TWIST2: variants seen among roughly 807,000 people sequenced by gnomAD.
TWIST2 encodes twist family bHLH transcription factor 2.
Under a neutral mutation model 11.6 loss-of-function variants are expected in TWIST2, and 1 was observed. The ratio of observed to expected loss-of-function variants is 0.09; its 90% CI spans 0.03 to 0.41. TWIST2 has a LOEUF of 0.41. Among genes scored for constraint, TWIST2 ranks in the 10% least tolerant of loss-of-function variants. TWIST2 has a pLI of 0.98. For missense variants in TWIST2, 168 were observed against 226.4 expected (o/e 0.74, Z 1.66); for synonymous variants, 87 against 96.6 (o/e 0.90, Z 0.58).
At chr2:238,903,172 G>A (rs1693298989) in intron 1 of TWIST2, among the ~76,000 whole-genome samples, 1 of 140,918 alleles carries the variant, frequency 7.1e-6, no homozygotes, top group Non-Finnish European at 1.5e-5. Flanking sequence ...GGTGTGGGAT[G>A]TAGTTGTGTG....
chr2:238,887,708 G>A (rs1317518660), intron 1 of TWIST2, among the ~76,000 whole-genome samples: 4 of 152,192 alleles, frequency 2.6e-5, no homozygotes, highest in South Asian at 2.1e-4. Flanking sequence ...TGTGCAGGAC[G>A]TCAGGTCTCT....
Position 238,867,834 on chromosome 2 carries a change from C to T in TWIST2, c.*35+19101C>T, listed in dbSNP as rs545793511. Among the ~76,000 whole-genome samples the T allele has an allele frequency of 1.7e-4, 26 of 152,106 alleles. No homozygotes were observed. The highest frequency in any genetic ancestry group is 1.4e-3 in the East Asian group (7 of 5,146). ...AGAGCTGAGGGGCATCCCTCGAAGG[C>T]GGGAGGGAGAGAAGTGGGAGGCAAA... On this transcript the variant is annotated intron_variant, in intron 1 of 1. Transcript: ENST00000612363. This position sits in a 1 kb window ranked among gnomAD's most constrained non-coding sequence, Gnocchi z 4.8.
At chr2:238,850,073 G>A (rs1466591247) in intron 1 of TWIST2, among the ~76,000 whole-genome samples, 1 of 152,154 alleles carries the variant, frequency 6.6e-6, no homozygotes, top group Non-Finnish European at 1.5e-5. Flanking sequence ...TGTTGCTGAG[G>A]CCACGAAAAG....
chr2:238,905,912 TGC>T (rs1385459768), intron 1 of TWIST2, among the ~76,000 whole-genome samples: 2 of 113,694 alleles, frequency 1.8e-5, no homozygotes, highest in Non-Finnish European at 3.6e-5. Flanking sequence ...TGCGTGTGTG[TGC>T]GTGCAGGTGT....
intron 1 of TWIST2, among the ~76,000 whole-genome samples, chr2:238,878,098 T>TAC (rs1026193234): frequency 1.3e-5 from 2 of 152,208 alleles, no homozygotes; most frequent in African/African-American, 4.8e-5. Context: ...AGGCTGGTTT[T>TAC]GTGCAGGTCT....
chr2:238,868,121 C>T (rs574458219), intron 1 of TWIST2, among the ~76,000 whole-genome samples: 2 of 152,338 alleles, frequency 1.3e-5, no homozygotes, highest in East Asian at 1.9e-4. Flanking sequence ...ACAAAGGTGG[C>T]ATCCCTCACA....
chr2:238,899,534 G>C (rs1323592553), intron 1 of TWIST2, among the ~76,000 whole-genome samples: 1 of 152,208 alleles, frequency 6.6e-6, no homozygotes, highest in Admixed American at 6.5e-5. Flanking sequence ...GAGAGGCAGC[G>C]GGGCTTCAGC....
At chr2:238,872,713 C>A (rs2106360649) in intron 1 of TWIST2, among the ~76,000 whole-genome samples, 1 of 152,318 alleles carries the variant, frequency 6.6e-6, no homozygotes, top group South Asian at 2.1e-4. Flanking sequence ...GGAGCAGGTA[C>A]AGTTGCCACT....
intron 1 of TWIST2, among the ~76,000 whole-genome samples, chr2:238,905,434 C>T (rs1034040586): frequency 5.3e-5 from 8 of 152,160 alleles, no homozygotes; most frequent in Admixed American, 5.2e-4. Flanking sequence ...CCCATGTCAG[C>T]AGACATGGCT....
In TWIST2 at chr2:238,867,214, G is replaced by T. The variant is rs921199605; in HGVS notation, c.*35+18481G>T. On this transcript the variant is annotated intron_variant, in intron 1 of 1. Coordinates refer to ENST00000612363, the MANE Select transcript of TWIST2 (RefSeq NM_001271893.4). This position sits in a 1 kb window ranked among gnomAD's most constrained non-coding sequence, Gnocchi z 4.8. ...GGGCCACAACCCCCGAATTTCTTCT[G>T]CAGAAGAGAAGGGGTAGAGGTGGAG... is the stretch of plus-strand genomic sequence containing the variant. Among the ~76,000 whole-genome samples, 3 of 152,144 alleles carry T rather than the reference G, an allele frequency of 2.0e-5. No individual in the cohort carries two copies. The highest frequency in any genetic ancestry group is 2.1e-4 in the South Asian group (1 of 4,808).
intron 1 of TWIST2, among the ~76,000 whole-genome samples, chr2:238,874,991 CAATG>C (rs1177292450): frequency 1.3e-5 from 2 of 152,136 alleles, no homozygotes; most frequent in Non-Finnish European, 2.9e-5. Flanking sequence ...GGAACAAAAA[CAATG>C]AAGTTGACCA....
At chr2:238,878,127 A>T (rs1692838551) in intron 1 of TWIST2, among the ~76,000 whole-genome samples, 1 of 152,198 alleles carries the variant, frequency 6.6e-6, no homozygotes, top group Non-Finnish European at 1.5e-5. Context: ...ACAGCCCAGG[A>T]TGTCGTTAAA....
intron 1 of TWIST2, among the ~76,000 whole-genome samples, chr2:238,857,120 G>A (rs1692345891): frequency 6.6e-6 from 1 of 152,096 alleles, no homozygotes; most frequent in Non-Finnish European, 1.5e-5. Flanking sequence ...GTTGGCCTGA[G>A]ACTGTTCAGG....
At chr2:238,858,640 C>A (rs539266721) in intron 1 of TWIST2, among the ~76,000 whole-genome samples, 2 of 152,310 alleles carry the variant, frequency 1.3e-5, no homozygotes, top group African/African-American at 4.8e-5. Flanking sequence ...CAAGTCATGG[C>A]CTCTCTGGGC....
chr2:238,848,728 G>T lies in TWIST2; in HGVS notation c.*30G>T, dbSNP rs1001636986. On this transcript the variant is annotated 3_prime_UTR_variant, in exon 1 of 2. Transcript: ENST00000612363. ...GCGCCACCCACCTCCGGACCGGCGC[G>T]CCAGGGTAGGTGCTGCGCGCGCGAC... 81 of 1,464,784 alleles carry T rather than the reference G, an allele frequency of 5.5e-5. No homozygotes were observed. Among genetic ancestry groups the T allele is most frequent in the Non-Finnish European group, 7.1e-5 (79 of 1,110,018 alleles). The allele number at this position is 1,464,784 out of a possible 1,614,324, so 90.7% of individuals were successfully genotyped here.
At chr2:238,906,619 T>C (rs2106376130) in intron 1 of TWIST2, among the ~76,000 whole-genome samples, 1 of 152,108 alleles carries the variant, frequency 6.6e-6, no homozygotes, top group African/African-American at 2.4e-5. Flanking sequence ...CATTCTTTCA[T>C]ACTCACACTC....
intron 1 of TWIST2, among the ~76,000 whole-genome samples, chr2:238,852,993 TC>T (rs966461805): frequency 1.3e-5 from 2 of 152,190 alleles, no homozygotes; most frequent in Non-Finnish European, 2.9e-5. Flanking sequence ...TGAGCAAAAC[TC>T]CACATATTTT....
In TWIST2 at chr2:238,848,253, ACAGCCT is replaced by A; in HGVS notation, c.39_44del (p.Asp13_Leu15delinsGlu). 6.6e-7 allele frequency: 1 copy of A among 1,515,288 alleles called. No individual in the cohort carries two copies. The highest frequency in any genetic ancestry group is 8.8e-7 in the Non-Finnish European group (1 of 1,132,710). 93.9% of individuals were successfully genotyped at this position (1,515,288 alleles called of 1,614,324 possible). ...TCCAGCTCGCCCGTGTCCCCCGTGG[ACAGCCT>A]GGGCACCAGCGAGGAGGAGCTCGAG... On this transcript the variant is annotated inframe_deletion, in exon 1 of 2. Transcript: ENST00000612363.
intron 1 of TWIST2, among the ~76,000 whole-genome samples, chr2:238,861,856 G>T (rs534909689): frequency 6.6e-6 from 1 of 152,112 alleles, no homozygotes; most frequent in Non-Finnish European, 1.5e-5. Flanking sequence ...ATGAAATCTC[G>T]AGCTGTCCCG....
Sources: allele counts gnomAD v4.1 joint callset (sites outside exome capture counted in the v4.1 genomes callset), GRCh38; gene constraint gnomAD v4.1.1; non-coding constraint Gnocchi (gnomAD v3.1); transcripts MANE v1.5; gene names NCBI Gene and HGNC (gene_info 2026-07-23, HGNC 2026-07-21).